The following LCLAT1 variants were observed in gnomAD, a reference collection of about 807,000 sequenced individuals.
LCLAT1 encodes 1-AGP acyltransferase 8.
LCLAT1 carries 11 observed loss-of-function variants against 30.7 expected under a neutral mutation model. That is an observed-to-expected ratio of 0.36 (90% CI 0.23 to 0.59). The LOEUF (loss-of-function observed/expected upper bound fraction) is 0.59. LCLAT1 is among the 20% of genes least tolerant of loss of function. The pLI, the probability that LCLAT1 is intolerant of heterozygous loss-of-function variation, is 0.77. For missense variants in LCLAT1, 402 were observed against 458.6 expected (o/e 0.88, Z 1.13); for synonymous variants, 155 against 151.3 (o/e 1.02, Z -0.18).
chr2:30,470,760 C>G (rs1306072752), intron 1 of LCLAT1, among the ~76,000 whole-genome samples: 1 of 152,090 alleles, frequency 6.6e-6, no homozygotes. Context: ...ACTTGGAATT[C>G]CATTCATATT....
At chr2:30,464,477 C>G (rs529107017) in intron 1 of LCLAT1, among the ~76,000 whole-genome samples, 23 of 152,136 alleles carry the variant, frequency 1.5e-4, no homozygotes, top group African/African-American at 5.5e-4. Flanking sequence ...TTATTATTAC[C>G]CAACTCTATA....
In LCLAT1 at chr2:30,540,333, G is replaced by A. The variant is rs188415285; in HGVS notation, c.364+7019G>A. Among the ~76,000 whole-genome samples, 295 of 152,310 alleles carry A rather than the reference G, an allele frequency of 1.9e-3. 1 individual carries two copies. Among genetic ancestry groups the A allele is most frequent in the African/African-American group, 6.8e-3 (284 of 41,564 alleles). On this transcript the variant is annotated intron_variant, in intron 3 of 5. Coordinates refer to ENST00000379509, the MANE Select transcript of LCLAT1 (RefSeq NM_001002257.3). ...TGCATTATTTTTAAATGATATCATA[G>A]TATTTAAGGATACATGGTATTTTTA...
intron 5 of LCLAT1, among the ~76,000 whole-genome samples, chr2:30,636,184 A>G (rs1669014802): frequency 6.6e-6 from 1 of 152,210 alleles, no homozygotes; most frequent in Non-Finnish European, 1.5e-5. Context: ...TTTGAGGCAG[A>G]GGAAGTATTT....
rs1333744104 is a variant in LCLAT1, at chr2:30,640,768, G to C, written c.*149G>C. The stretch of plus-strand genomic sequence containing the variant: ...AAGATATTTTGCACTTAATTTTGTG[G>C]GAAAAATATTGCTACAATTTTTTTT... On this transcript the variant is annotated 3_prime_UTR_variant, in exon 6 of 6. Transcript: ENST00000379509. The C allele has an allele frequency of 1.0e-6, 1 of 991,412 alleles. No homozygotes were observed. Among genetic ancestry groups the C allele is most frequent in the Non-Finnish European group, 1.4e-6 (1 of 699,850 alleles). The allele number at this position is 991,412 out of a possible 1,614,324, so 61.4% of individuals were successfully genotyped here.
chr2:30,569,067 T>C (rs1665652299), intron 5 of LCLAT1, among the ~76,000 whole-genome samples: 1 of 152,176 alleles, frequency 6.6e-6, no homozygotes, highest in Non-Finnish European at 1.5e-5. Flanking sequence ...CCACTACCTC[T>C]ACTATTTTAT....
At chr2:30,478,087 AAAG>A (rs1409345743) in intron 1 of LCLAT1, among the ~76,000 whole-genome samples, 1 of 151,870 alleles carries the variant, frequency 6.6e-6, no homozygotes, top group Non-Finnish European at 1.5e-5. Context: ...AAAAAAAAAA[AAAG>A]GCATAAGCCA....
At chr2:30,549,840 A>G (rs1249607290) in intron 3 of LCLAT1, among the ~76,000 whole-genome samples, 1 of 152,242 alleles carries the variant, frequency 6.6e-6, no homozygotes, top group African/African-American at 2.4e-5. Flanking sequence ...TTTATTTCAT[A>G]TAACAAATCT....
intron 5 of LCLAT1, among the ~76,000 whole-genome samples, chr2:30,609,967 TTTTGA>T (rs926549681): frequency 1.3e-5 from 2 of 152,140 alleles, no homozygotes; most frequent in African/African-American, 4.8e-5. Context: ...TTATTGATAC[TTTTGA>T]TGTGATGAAT....
At chr2:30,477,702 A>G (rs940123368) in intron 1 of LCLAT1, among the ~76,000 whole-genome samples, 1 of 152,180 alleles carries the variant, frequency 6.6e-6, no homozygotes, top group Non-Finnish European at 1.5e-5. Context: ...GGAATGTGAG[A>G]AGAAATTAAA....
rs1216880833 is a variant in LCLAT1 at position 30,495,355 on chromosome 2, T to C, written c.-4-30232T>C. Among the ~76,000 whole-genome samples the C allele has an allele frequency of 6.6e-5, 10 of 152,278 alleles. No homozygotes were observed. The East Asian group carries it at 1.9e-3, about 29-fold the overall frequency. The stretch of plus-strand genomic sequence containing the variant: ...TAGTCTATTAATGTTTAATTCTCTC[T>C]AATCCAAAGCCCCCCTTTCATAATA... On this transcript the variant is annotated intron_variant, in intron 1 of 5. Transcript: ENST00000379509.
chr2:30,496,522 C>T (rs1034810820), intron 1 of LCLAT1, among the ~76,000 whole-genome samples: 3 of 152,170 alleles, frequency 2.0e-5, no homozygotes. Context: ...CTTCCATTAT[C>T]TGGCTTTATG....
intron 1 of LCLAT1, among the ~76,000 whole-genome samples, chr2:30,507,611 C>T (rs1451702991): frequency 6.6e-6 from 1 of 152,030 alleles, no homozygotes; most frequent in African/African-American, 2.4e-5. Flanking sequence ...TGGTCTCCAG[C>T]TCCATCCATG....
chr2:30,463,304 C>G (rs868777869), intron 1 of LCLAT1, among the ~76,000 whole-genome samples: 2 of 151,766 alleles, frequency 1.3e-5, no homozygotes, highest in Admixed American at 6.6e-5. Flanking sequence ...TAGGATTTTC[C>G]CATGTCATAA....
At chr2:30,609,008 T>C (rs2148502097) in intron 5 of LCLAT1, among the ~76,000 whole-genome samples, 1 of 152,140 alleles carries the variant, frequency 6.6e-6, no homozygotes, top group South Asian at 2.1e-4. Flanking sequence ...GCCAGTCAAA[T>C]AGGTATATTT....
intron 3 of LCLAT1, among the ~76,000 whole-genome samples, chr2:30,561,233 A>G (rs1412850075): frequency 6.6e-6 from 1 of 152,092 alleles, no homozygotes; most frequent in East Asian, 1.9e-4. Context: ...ATGAGCCACC[A>G]CACGCGGCCT....
At chr2:30,496,460 T>C (rs829646) in intron 1 of LCLAT1, among the ~76,000 whole-genome samples, 113,875 of 152,074 alleles carry the variant, frequency 0.75, 43,313 homozygotes, top group East Asian at 0.87. Flanking sequence ...GACATGTGGA[T>C]ATGTGTGTGA....
At chr2:30,472,233 A>G (rs1682835734) in intron 1 of LCLAT1, among the ~76,000 whole-genome samples, 1 of 152,208 alleles carries the variant, frequency 6.6e-6, no homozygotes, top group Admixed American at 6.5e-5. Context: ...AAAGGAGTTA[A>G]AAGGAGACAA....
At chr2:30,612,300 A>G (rs1428277745) in intron 5 of LCLAT1, among the ~76,000 whole-genome samples, 1 of 152,178 alleles carries the variant, frequency 6.6e-6, no homozygotes, top group Non-Finnish European at 1.5e-5. Flanking sequence ...TGCCATAACT[A>G]AAGAGTATTT....
intron 5 of LCLAT1, among the ~76,000 whole-genome samples, chr2:30,597,791 A>G (rs968548464): frequency 1.3e-5 from 2 of 152,154 alleles, no homozygotes; most frequent in Non-Finnish European, 2.9e-5. Context: ...TGTCATAAAC[A>G]GCTATTATTA....
Sources: gnomAD v4.1 joint callset for allele counts (sites outside exome capture counted in the v4.1 genomes callset) on GRCh38, gnomAD v4.1.1 for gene constraint, MANE v1.5 for transcripts, NCBI Gene and HGNC (gene_info 2026-07-23, HGNC 2026-07-21) for gene names.